ATP9A: variants seen among roughly 807,000 people sequenced by gnomAD.
ATP9A encodes the protein ATPase phospholipid transporting 9A, also known as probable phospholipid-transporting ATPase IIA.
In ATP9A, 52 loss-of-function variants were observed where a neutral mutation model predicts 144.1. The observed-to-expected ratio is 0.36, with a 90% CI of 0.29 to 0.45. ATP9A has a LOEUF of 0.45. Ranked by LOEUF, ATP9A falls within the 20% of genes least tolerant of loss-of-function variation. The probability of loss-of-function intolerance (pLI) is 1.00; values close to 1 mark genes in which losing one functional copy is unlikely to be tolerated. For missense variants in ATP9A, 947 were observed against 1,392.7 expected (o/e 0.68, Z 5.09); for synonymous variants, 582 against 557.4 (o/e 1.04, Z -0.62).
rs2077131391 is a variant in ATP9A, at chr20:51,599,067, G to A, written c.*2144C>T. On this transcript the variant is annotated 3_prime_UTR_variant, in exon 28 of 28. Coordinates refer to ENST00000338821, the MANE Select transcript of ATP9A (RefSeq NM_006045.3). ...CAACTTGTGCACCTCAATCAAAATT[G>A]AGAATTAAGGAAAAGGCCAGGGAGA... The A allele has an allele frequency of 2.0e-5, 3 of 152,170 alleles. No homozygotes were observed. Among genetic ancestry groups the A allele is most frequent in the Admixed American group, 2.0e-4 (3 of 15,274 alleles). The allele number at this position is 152,170 out of a possible 1,614,324, so 9.4% of individuals were successfully genotyped here. A position where few individuals can be genotyped will look rare whatever the true frequency, so the allele number is the denominator to read the frequency against.
At chr20:51,686,700 C>T (rs1056807577) in intron 9 of ATP9A, among the ~76,000 whole-genome samples, 4 of 152,082 alleles carry the variant, frequency 2.6e-5, no homozygotes, top group Non-Finnish European at 4.4e-5. Context: ...TTTGGGAGGC[C>T]GAGGCAGGTG....
At chr20:51,704,444 G>C (rs1359751258) in intron 4 of ATP9A, among the ~76,000 whole-genome samples, 1 of 151,934 alleles carries the variant, frequency 6.6e-6, no homozygotes, top group Non-Finnish European at 1.5e-5. Context: ...AAATGAAATT[G>C]AGTACTTTGA....
chr20:51,715,141 T>G (rs1291023341), intron 3 of ATP9A, among the ~76,000 whole-genome samples: 1 of 152,228 alleles, frequency 6.6e-6, no homozygotes, highest in Non-Finnish European at 1.5e-5. Context: ...TTCACTTTCA[T>G]AGTTTACCCT....
chr20:51,731,585 G>T (rs1051114744), intron 1 of ATP9A, among the ~76,000 whole-genome samples: 3 of 151,932 alleles, frequency 2.0e-5, no homozygotes, highest in African/African-American at 7.3e-5. Context: ...TGGGTGTGGT[G>T]GCAGACGCCT....
At chr20:51,624,485 C>T (rs2077239696) in intron 18 of ATP9A, among the ~76,000 whole-genome samples, 1 of 152,112 alleles carries the variant, frequency 6.6e-6, no homozygotes, top group African/African-American at 2.4e-5. Context: ...TGGTAGAGTG[C>T]AAAATGCTAA....
At chr20:51,715,420 T>C (rs754866785) in intron 3 of ATP9A, among the ~76,000 whole-genome samples, 10 of 152,344 alleles carry the variant, frequency 6.6e-5, no homozygotes, top group Middle Eastern at 3.4e-3. Context: ...CCCCCTCCAC[T>C]ATGCTGCTAT....
At chr20:51,618,218 T>TA (rs77903651) in intron 21 of ATP9A, among the ~76,000 whole-genome samples, 13,543 of 136,968 alleles carry the variant, frequency 0.099, 856 homozygotes, top group African/African-American at 0.2. Context: ...GACTCCGTCT[T>TA]AAAAAAAAAA....
chr20:51,757,897 G>A (rs928083099), intron 1 of ATP9A, among the ~76,000 whole-genome samples: 4 of 149,698 alleles, frequency 2.7e-5, no homozygotes, highest in South Asian at 2.1e-4. Context: ...ATGAGAGTAC[G>A]TCTCAAAAAA....
rs1298342282 is a variant in ATP9A, at chr20:51,760,533, C to G, written c.68+7769G>C. On this transcript the variant is annotated intron_variant, in intron 1 of 27. Transcript: ENST00000338821. ...CCTGAGGTCAGGAGTTCGAGACTAG[C>G]CTGGCCAACATGGCGAAACCCCGTC... Among the ~76,000 whole-genome samples the G allele has an allele frequency of 2.0e-5, 3 of 151,318 alleles. No individual in the cohort carries two copies. In the South Asian group the frequency reaches 6.3e-4, roughly 32 times the overall value.
At chr20:51,738,749 T>C (rs530106756) in intron 1 of ATP9A, among the ~76,000 whole-genome samples, 1 of 151,842 alleles carries the variant, frequency 6.6e-6, no homozygotes, top group African/African-American at 2.4e-5. Flanking sequence ...TATGCCTCTC[T>C]CCTTTACAGT....
intron 15 of ATP9A, among the ~76,000 whole-genome samples, chr20:51,634,147 C>T (rs976598208): frequency 1.3e-5 from 2 of 152,150 alleles, no homozygotes; most frequent in Admixed American, 6.5e-5. Context: ...ATAACATGTC[C>T]TTCACAACTA....
rs894923261 is a variant in ATP9A, at chr20:51,599,497, C to T, written c.*1714G>A. The T allele has an allele frequency of 2.6e-5, 4 of 152,194 alleles. No homozygotes were observed. The highest frequency in any genetic ancestry group is 2.6e-4 in the Admixed American group (4 of 15,282). 9.4% of individuals were successfully genotyped at this position (152,194 alleles called of 1,614,324 possible). Reference sequence around the variant, plus strand: ...TTTTCTGCCGACCTTTTCCCTCTGGCAGAAATGGCTGAATCAGATAGAGAA... The same window carrying T: ...TTTTCTGCCGACCTTTTCCCTCTGGTAGAAATGGCTGAATCAGATAGAGAA... On this transcript the variant is annotated 3_prime_UTR_variant, in exon 28 of 28. Coordinates refer to ENST00000338821, the MANE Select transcript of ATP9A (RefSeq NM_006045.3).
intron 1 of ATP9A, among the ~76,000 whole-genome samples, chr20:51,766,897 G>A (rs1181947788): frequency 6.6e-6 from 1 of 151,842 alleles, no homozygotes; most frequent in Non-Finnish European, 1.5e-5. Context: ...AGGAGTGAGG[G>A]AACTATCTTT....
intron 13 of ATP9A, among the ~76,000 whole-genome samples, chr20:51,661,723 C>T (rs1286504068): frequency 6.6e-6 from 1 of 151,962 alleles, no homozygotes; most frequent in Admixed American, 6.6e-5. Context: ...CCTAACTAAC[C>T]TGCCACATCA....
At chr20:51,681,508 G>A (rs986965085) in intron 9 of ATP9A, among the ~76,000 whole-genome samples, 3 of 141,486 alleles carry the variant, frequency 2.1e-5, no homozygotes, top group East Asian at 2.0e-4. Flanking sequence ...TACAACCTCC[G>A]CCTCCCAGGT....
chr20:51,630,432 G>A (rs2077265575), intron 15 of ATP9A, among the ~76,000 whole-genome samples: 1 of 152,190 alleles, frequency 6.6e-6, no homozygotes, highest in Non-Finnish European at 1.5e-5. Context: ...GCTGGGTGTG[G>A]TGGCTCACGC....
chr20:51,764,071 C>T (rs1179577060), intron 1 of ATP9A, among the ~76,000 whole-genome samples: 4 of 152,174 alleles, frequency 2.6e-5, no homozygotes, highest in African/African-American at 9.7e-5. Context: ...CTAGTAAACA[C>T]CTAAGGCATA....
At chr20:51,639,051 A>AC (rs11481565) in intron 15 of ATP9A, among the ~76,000 whole-genome samples, 70,323 of 151,916 alleles carry the variant, frequency 0.46, 17,757 homozygotes, top group East Asian at 0.8. Context: ...ATAAAAAAAT[A>AC]CATGTTCAAT....
At chr20:51,619,609 C>T (rs2077218330) in intron 19 of ATP9A, among the ~76,000 whole-genome samples, 1 of 147,962 alleles carries the variant, frequency 6.8e-6, no homozygotes, top group Admixed American at 6.8e-5. Flanking sequence ...TGGCTCACAC[C>T]TGTAATCTCA....
Sources: gnomAD v4.1 joint callset for allele counts (sites outside exome capture counted in the v4.1 genomes callset) on GRCh38, gnomAD v4.1.1 for gene constraint, MANE v1.5 for transcripts, NCBI Gene and HGNC (gene_info 2026-07-23, HGNC 2026-07-21) for gene names.